The following DPP10 variants were observed in gnomAD, a reference collection of about 807,000 sequenced individuals.
DPP10 encodes dipeptidyl peptidase like 10.
Under a neutral mutation model 120.9 loss-of-function variants are expected in DPP10, and 33 were observed. That is an observed-to-expected ratio of 0.27 (90% CI 0.21 to 0.37). The LOEUF (loss-of-function observed/expected upper bound fraction) is 0.37, where lower values mean the gene tolerates loss of function less well. Among genes scored for constraint, DPP10 ranks in the 10% least tolerant of loss-of-function variants. DPP10 has a pLI of 1.00. For synonymous variants in DPP10, 337 were observed against 326.1 expected (o/e 1.03, Z -0.36); for missense variants, 816 against 942.8 (o/e 0.87, Z 1.76).
At chr2:114,942,340 C>T (rs6727191) in intron 1 of DPP10, among the ~76,000 whole-genome samples, 76,198 of 107,412 alleles carry the variant, frequency 0.71, 23,844 homozygotes, top group Middle Eastern at 0.75. Context: ...TATATATATA[C>T]GTATATATAC....
chr2:115,204,789 A>G (rs147400935), intron 1 of DPP10, among the ~76,000 whole-genome samples: 163 of 152,280 alleles, frequency 1.1e-3, no homozygotes, highest in African/African-American at 3.8e-3. Flanking sequence ...AATAACAGCC[A>G]TTCTGACTGG....
At chr2:114,587,845 G>A (rs1691131675) in intron 1 of DPP10, among the ~76,000 whole-genome samples, 1 of 152,202 alleles carries the variant, frequency 6.6e-6, no homozygotes. Context: ...AACAGGTATT[G>A]TCTTTAGGAG....
intron 1 of DPP10, among the ~76,000 whole-genome samples, chr2:114,816,361 G>A (rs2106340625): frequency 6.6e-6 from 1 of 152,294 alleles, no homozygotes; most frequent in African/African-American, 2.4e-5. Context: ...AAACAAATGA[G>A]CAGGCCTCTG....
chr2:114,681,341 C>T (rs777116985), intron 1 of DPP10, among the ~76,000 whole-genome samples: 3 of 151,966 alleles, frequency 2.0e-5, no homozygotes, highest in Non-Finnish European at 4.4e-5. Flanking sequence ...AAATCCGCAA[C>T]TCTCAAGCCA....
intron 17 of DPP10, among the ~76,000 whole-genome samples, chr2:115,789,542 C>G (rs575995108): frequency 6.6e-6 from 1 of 152,180 alleles, no homozygotes; most frequent in Non-Finnish European, 1.5e-5. Flanking sequence ...GAATGATGCT[C>G]CTGCCTGAGG....
chr2:115,535,598 TC>T (rs1374620270), intron 5 of DPP10, among the ~76,000 whole-genome samples: 1 of 150,618 alleles, frequency 6.6e-6, no homozygotes, highest in Non-Finnish European at 1.5e-5. Flanking sequence ...TGATGCGGGC[TC>T]TTTTTTGGTT....
intron 1 of DPP10, among the ~76,000 whole-genome samples, chr2:115,242,057 G>T (rs1182477280): frequency 6.6e-6 from 1 of 152,104 alleles, no homozygotes; most frequent in Non-Finnish European, 1.5e-5. Flanking sequence ...GGTTGCATGA[G>T]TAAGTTCTTT....
chr2:114,501,205 C>T (rs928188508), intron 1 of DPP10, among the ~76,000 whole-genome samples: 1 of 152,074 alleles, frequency 6.6e-6, no homozygotes, highest in Non-Finnish European at 1.5e-5. Flanking sequence ...ACTATCTTTA[C>T]CTCCATTTGT....
chr2:115,360,781 A>G (rs1424936886), intron 3 of DPP10, among the ~76,000 whole-genome samples: 1 of 152,174 alleles, frequency 6.6e-6, no homozygotes, highest in Non-Finnish European at 1.5e-5. Context: ...GGGGCCTGCT[A>G]TACCTCTGTA....
At chr2:115,095,582 TTTG>T (rs1267798921) in intron 1 of DPP10, among the ~76,000 whole-genome samples, 9 of 96,306 alleles carry the variant, frequency 9.3e-5, no homozygotes, top group East Asian at 6.1e-4. Context: ...TGGTTTTTTT[TTTG>T]TTTTTTTTTT....
At position 115,056,978 on chromosome 2, in the gene DPP10, G is replaced by A. The variant is rs78995087; in HGVS notation, c.61-252261G>A. 9.3e-3 allele frequency among the ~76,000 whole-genome samples: 1,422 copies of A among 152,216 alleles called. 25 individuals are homozygous for A. Among genetic ancestry groups the A allele is most frequent in the African/African-American group, 0.033 (1,351 of 41,518 alleles). Reference sequence around the variant, plus strand: ...TGAAGGCAGATTGGGAATAGACTTCGCTTCACTTTCAAGGTTCCTTTCCTC... The same window carrying A: ...TGAAGGCAGATTGGGAATAGACTTCACTTCACTTTCAAGGTTCCTTTCCTC... On this transcript the variant is annotated intron_variant, in intron 1 of 25. Transcript: ENST00000410059.
At chr2:114,498,943 A>G (rs1682913450) in intron 1 of DPP10, among the ~76,000 whole-genome samples, 1 of 152,246 alleles carries the variant, frequency 6.6e-6, no homozygotes, top group African/African-American at 2.4e-5. Context: ...TGTGTTATAC[A>G]TATGCAATGG....
At chr2:115,317,478 T>G (rs763736066) in intron 2 of DPP10, among the ~76,000 whole-genome samples, 14 of 152,188 alleles carry the variant, frequency 9.2e-5, no homozygotes, top group Non-Finnish European at 1.9e-4. Flanking sequence ...TTTGGGGTTA[T>G]ATACCTAGGA....
intron 1 of DPP10, among the ~76,000 whole-genome samples, chr2:114,903,145 T>C (rs894428149): frequency 6.6e-6 from 1 of 152,178 alleles, no homozygotes; most frequent in African/African-American, 2.4e-5. Context: ...TTCTTTTTAG[T>C]CATGAATAAT....
At chr2:114,630,603 A>C (rs1214028723) in intron 1 of DPP10, among the ~76,000 whole-genome samples, 1 of 152,194 alleles carries the variant, frequency 6.6e-6, no homozygotes, top group Non-Finnish European at 1.5e-5. Context: ...GCTGCCAACC[A>C]CATCCAGATT....
At chr2:114,936,091 C>T (rs1366578461) in intron 1 of DPP10, among the ~76,000 whole-genome samples, 6 of 151,860 alleles carry the variant, frequency 4.0e-5, no homozygotes, top group African/African-American at 1.5e-4. Flanking sequence ...CACCCATCAC[C>T]CAAGCAGTGT....
intron 1 of DPP10, among the ~76,000 whole-genome samples, chr2:114,937,124 G>C (rs1696544890): frequency 6.6e-6 from 1 of 152,052 alleles, no homozygotes; most frequent in African/African-American, 2.4e-5. Context: ...CTTTGGTTTT[G>C]TTGCATTGGC....
chr2:115,751,049 T>C (rs1003553166), intron 10 of DPP10, among the ~76,000 whole-genome samples: 4 of 152,202 alleles, frequency 2.6e-5, no homozygotes, highest in Admixed American at 6.5e-5. Context: ...CAGTTCAATA[T>C]AGAGTTTACC....
chr2:115,379,819 T>G (rs1287273907), intron 3 of DPP10, among the ~76,000 whole-genome samples: 1 of 152,200 alleles, frequency 6.6e-6, no homozygotes, highest in Non-Finnish European at 1.5e-5. Context: ...TACCCAGTAG[T>G]CATTCAGGAG....
Sources: allele counts gnomAD v4.1 joint callset (sites outside exome capture counted in the v4.1 genomes callset), GRCh38; gene constraint gnomAD v4.1.1; transcripts MANE v1.5; gene names NCBI Gene and HGNC (gene_info 2026-07-23, HGNC 2026-07-21).